Variants in GALNT13 observed in about 807,000 individuals in gnomAD.
The protein encoded by GALNT13 is polypeptide N-acetylgalactosaminyltransferase 13.
Under a neutral mutation model 64.2 loss-of-function variants are expected in GALNT13, and 28 were observed. The ratio of observed to expected loss-of-function variants is 0.44; its 90% CI spans 0.32 to 0.60. The LOEUF (loss-of-function observed/expected upper bound fraction) is 0.60. Among genes scored for constraint, GALNT13 ranks in the 20% least tolerant of loss-of-function variants. The probability of loss-of-function intolerance (pLI) is 0.05; values close to 1 mark genes in which losing one functional copy is unlikely to be tolerated. For synonymous variants in GALNT13, 214 were observed against 224.6 expected (o/e 0.95, Z 0.42); for missense variants, 577 against 669.8 (o/e 0.86, Z 1.53).
At chr2:154,417,517 A>ATTTTTTTTTT (rs775341273) in intron 11 of GALNT13, among the ~76,000 whole-genome samples, 34 of 127,114 alleles carry the variant, frequency 2.7e-4, no homozygotes, top group East Asian at 1.8e-3. Flanking sequence ...TTATTTATTT[A>ATTTTTTTTTT]TTTATTTTTT....
the GALNT13 span, among the ~76,000 whole-genome samples, chr2:153,154,156 A>G: frequency 1.3e-5 from 2 of 151,984 alleles, no homozygotes; most frequent in African/African-American, 4.8e-5. Context: ...TCTCATTTGA[A>G]TTGTAGCTCC....
At chr2:153,277,922 TC>T in the GALNT13 span, among the ~76,000 whole-genome samples, 80 of 71,294 alleles carry the variant, frequency 1.1e-3, 1 homozygote, top group Non-Finnish European at 1.8e-3. Flanking sequence ...TGTTTTCTTT[TC>T]TTTCTTTTTT....
chr2:154,429,359 A>G (rs1559149906), intron 11 of GALNT13, among the ~76,000 whole-genome samples: 1 of 152,190 alleles, frequency 6.6e-6, no homozygotes, highest in African/African-American at 2.4e-5. Flanking sequence ...ATGAAAAGAG[A>G]GCAAACAGCC....
intron 1 of GALNT13, among the ~76,000 whole-genome samples, chr2:153,887,363 C>T (rs989338385): frequency 3.3e-5 from 5 of 149,398 alleles, no homozygotes; most frequent in Non-Finnish European, 5.9e-5. Flanking sequence ...CCTGCTTAAC[C>T]GATTTTCGAA....
chr2:153,232,812 A>C, the GALNT13 span, among the ~76,000 whole-genome samples: 1 of 152,346 alleles, frequency 6.6e-6, no homozygotes, highest in South Asian at 2.1e-4. Context: ...ATTCTGAACC[A>C]GTGGCTCCAG....
the GALNT13 span, among the ~76,000 whole-genome samples, chr2:153,360,888 A>G: frequency 1.3e-5 from 2 of 152,126 alleles, no homozygotes; most frequent in South Asian, 2.1e-4. Context: ...GTACTGTTAA[A>G]TGGCTTTTGC....
chr2:153,665,769 G>T, the GALNT13 span, among the ~76,000 whole-genome samples: 1 of 152,184 alleles, frequency 6.6e-6, no homozygotes, highest in South Asian at 2.1e-4. Flanking sequence ...GCCTACTTCT[G>T]CATGGAACTC....
intron 4 of GALNT13, among the ~76,000 whole-genome samples, chr2:154,150,766 G>A (rs935721642): frequency 5.3e-5 from 8 of 152,058 alleles, no homozygotes; most frequent in African/African-American, 1.2e-4. Context: ...CTGTGGGATC[G>A]GTGGTGATAT....
chr2:153,535,531 T>TG, the GALNT13 span, among the ~76,000 whole-genome samples: 2 of 151,436 alleles, frequency 1.3e-5, no homozygotes, highest in Non-Finnish European at 2.9e-5. Context: ...CAAGTTTTTT[T>TG]GGGGGCACAG....
intron 3 of GALNT13, among the ~76,000 whole-genome samples, chr2:154,113,958 A>G (rs560302513): frequency 3.3e-5 from 5 of 152,168 alleles, no homozygotes; most frequent in Non-Finnish European, 7.4e-5. Context: ...CAATAAAACC[A>G]CATCTGGTAC....
intron 2 of GALNT13, chr2:153,926,257 C>T (rs1690130096): frequency 6.6e-6 from 1 of 151,852 alleles, no homozygotes; most frequent in South Asian, 2.1e-4. Flanking sequence ...GATGAATATA[C>T]AATTTATTGG....
the GALNT13 span, among the ~76,000 whole-genome samples, chr2:153,231,332 A>C: frequency 2.0e-5 from 3 of 152,218 alleles, no homozygotes; most frequent in East Asian, 5.8e-4. Context: ...TTGGTTTCTC[A>C]CATTTATCCT....
chr2:153,452,099 A>G, the GALNT13 span, among the ~76,000 whole-genome samples: 201 of 152,288 alleles, frequency 1.3e-3, 1 homozygote, highest in African/African-American at 4.7e-3. Context: ...TTTTCATGAG[A>G]ATTTTATAAC....
In GALNT13 at chr2:154,348,328, T is replaced by C. The variant is rs1399989447; in HGVS notation, c.1156+46739T>C. ...TGAATGGCTACCCAAACAGCTTCTT[T>C]AGCATATTTGTTAAATTAGGCACTT... On this transcript the variant is annotated intron_variant, in intron 9 of 12. Transcript: ENST00000392825. 6.6e-5 allele frequency among the ~76,000 whole-genome samples: 10 copies of C among 152,188 alleles called. No homozygotes were observed. The East Asian group carries it at 1.9e-3, about 30-fold the overall frequency.
intron 8 of GALNT13, among the ~76,000 whole-genome samples, chr2:154,276,264 G>A (rs1292177050): frequency 1.3e-5 from 2 of 151,470 alleles, no homozygotes; most frequent in East Asian, 1.9e-4. Flanking sequence ...CTGTTGTACA[G>A]GCTGGAGTAC....
chr2:153,269,084 T>TCTACAG, the GALNT13 span, among the ~76,000 whole-genome samples: 1 of 152,280 alleles, frequency 6.6e-6, no homozygotes, highest in Non-Finnish European at 1.5e-5. Context: ...TATGCAAATT[T>TCTACAG]CTACAGCTGG....
chr2:154,427,296 G>T (rs183537242), intron 11 of GALNT13, among the ~76,000 whole-genome samples: 1 of 152,202 alleles, frequency 6.6e-6, no homozygotes, highest in Non-Finnish European at 1.5e-5. Flanking sequence ...CATTGTTGCA[G>T]TATTGTCCAA....
chr2:153,082,144 G>A, the GALNT13 span, among the ~76,000 whole-genome samples: 1 of 152,138 alleles, frequency 6.6e-6, no homozygotes, highest in Non-Finnish European at 1.5e-5. Flanking sequence ...ACCATTTCAT[G>A]TGCCTGCTTG....
At chr2:153,194,502 T>A in the GALNT13 span, among the ~76,000 whole-genome samples, 3 of 152,202 alleles carry the variant, frequency 2.0e-5, no homozygotes, top group Non-Finnish European at 4.4e-5. Context: ...TTTTTTGTAT[T>A]GTTACCTGTT....
Sources: gnomAD v4.1 joint callset for allele counts (sites outside exome capture counted in the v4.1 genomes callset) on GRCh38, gnomAD v4.1.1 for gene constraint, MANE v1.5 for transcripts, NCBI Gene and HGNC (gene_info 2026-07-23, HGNC 2026-07-21) for gene names.